Variants in MIPEP observed in about 807,000 individuals in gnomAD.
The protein encoded by MIPEP is mitochondrial intermediate peptidase.
A neutral mutation model predicts 90.3 loss-of-function variants in MIPEP; 79 were observed. The observed-to-expected ratio is 0.87, with a 90% CI of 0.73 to 1.05. The LOEUF is 1.05. MIPEP is among the 50% of genes least tolerant of loss of function. MIPEP has a pLI of 0.00. For synonymous variants in MIPEP, 334 were observed against 315.8 expected (o/e 1.06, Z -0.61); for missense variants, 940 against 905.6 (o/e 1.04, Z -0.49).
At chr13:23,848,769 AGT>A (rs1307435033) in intron 10 of MIPEP, among the ~76,000 whole-genome samples, 1 of 152,242 alleles carries the variant, frequency 6.6e-6, no homozygotes, top group Non-Finnish European at 1.5e-5. Flanking sequence ...CTAGTGCCTT[AGT>A]CCTCACTCAG....
chr13:23,746,413 C>G (rs934924129), intron 18 of MIPEP, among the ~76,000 whole-genome samples: 4 of 151,762 alleles, frequency 2.6e-5, no homozygotes, highest in African/African-American at 9.7e-5. Flanking sequence ...GCAGGTGAAT[C>G]ACTTGAGGTC....
At chr13:23,735,687 A>G (rs1194226858) in intron 18 of MIPEP, among the ~76,000 whole-genome samples, 2 of 152,164 alleles carry the variant, frequency 1.3e-5, no homozygotes, top group African/African-American at 2.4e-5. Context: ...TTTCTAAAGA[A>G]ATATAGTTAG....
chr13:23,788,731 G>A (rs1257686055), intron 16 of MIPEP, among the ~76,000 whole-genome samples: 1 of 152,100 alleles, frequency 6.6e-6, no homozygotes, highest in African/African-American at 2.4e-5. Flanking sequence ...CAATGTTTTT[G>A]TACATGTTAT....
chr13:23,810,973 A>C (rs1953164896), intron 14 of MIPEP, among the ~76,000 whole-genome samples: 1 of 152,240 alleles, frequency 6.6e-6, no homozygotes, highest in African/African-American at 2.4e-5. Flanking sequence ...ATATTTTTAA[A>C]GAGCTAAGAC....
intron 14 of MIPEP, among the ~76,000 whole-genome samples, chr13:23,810,286 C>T (rs1953157468): frequency 6.6e-6 from 1 of 152,156 alleles, no homozygotes; most frequent in African/African-American, 2.4e-5. Flanking sequence ...CTTTTAAGTG[C>T]ATATAATCAC....
At chr13:23,859,275 G>A (rs1043732119) in intron 9 of MIPEP, among the ~76,000 whole-genome samples, 5 of 152,184 alleles carry the variant, frequency 3.3e-5, no homozygotes, top group African/African-American at 1.2e-4. Flanking sequence ...CTGTAGGTAA[G>A]ATGAGTGTAC....
At chr13:23,811,137 A>C (rs1953166679) in intron 14 of MIPEP, among the ~76,000 whole-genome samples, 1 of 152,190 alleles carries the variant, frequency 6.6e-6, no homozygotes, top group Non-Finnish European at 1.5e-5. Flanking sequence ...CTGCCAACAG[A>C]TTGTGTCAAA....
chr13:23,735,197 T>C (rs993826822), intron 18 of MIPEP, among the ~76,000 whole-genome samples: 1 of 152,162 alleles, frequency 6.6e-6, no homozygotes, highest in African/African-American at 2.4e-5. Flanking sequence ...AATCAGACAC[T>C]GCCTCCTCCA....
At chr13:23,830,844 T>G (rs1311985496) in intron 14 of MIPEP, among the ~76,000 whole-genome samples, 1 of 152,190 alleles carries the variant, frequency 6.6e-6, no homozygotes, top group Non-Finnish European at 1.5e-5. Flanking sequence ...TGGTTTCTAG[T>G]TCATCAGCAT....
intron 4 of MIPEP, 118 bp from the exon 5 acceptor site, chr13:23,875,027 A>AACACATACACAC: frequency 2.5e-6 from 1 of 400,650 alleles, no homozygotes. Context: ...GTTTCTTCAA[A>AACACATACACAC]ACACACACAC....
chr13:23,819,160 A>T (rs1396748996), intron 14 of MIPEP, among the ~76,000 whole-genome samples: 1 of 152,230 alleles, frequency 6.6e-6, no homozygotes, highest in Non-Finnish European at 1.5e-5. Context: ...ATGGGAGGCC[A>T]TTGTTTTATA....
intron 16 of MIPEP, among the ~76,000 whole-genome samples, chr13:23,787,957 C>T (rs1455137452): frequency 6.6e-6 from 1 of 152,176 alleles, no homozygotes; most frequent in Non-Finnish European, 1.5e-5. Context: ...TTTCCATGAG[C>T]GTGGCCTCTT....
chr13:23,874,091 A>G (rs1870952622), intron 5 of MIPEP, among the ~76,000 whole-genome samples: 1 of 152,228 alleles, frequency 6.6e-6, no homozygotes, highest in African/African-American at 2.4e-5. Flanking sequence ...TAATTCTACC[A>G]TATTTACTAG....
chr13:23,849,100 G>A (rs770353618), intron 10 of MIPEP, among the ~76,000 whole-genome samples: 3 of 152,196 alleles, frequency 2.0e-5, no homozygotes, highest in Non-Finnish European at 4.4e-5. Flanking sequence ...TCCACGCCAG[G>A]CTCATCATGT....
chr13:23,849,320 G>A (rs1298960924), intron 10 of MIPEP, among the ~76,000 whole-genome samples: 2 of 152,242 alleles, frequency 1.3e-5, no homozygotes, highest in African/African-American at 4.8e-5. Flanking sequence ...AGCAGAGACA[G>A]AGCTTAGATG....
chr13:23,841,077 A>C (rs1046838924), intron 11 of MIPEP, among the ~76,000 whole-genome samples: 2 of 152,252 alleles, frequency 1.3e-5, no homozygotes, highest in African/African-American at 2.4e-5. Context: ...ATTTGTGGAT[A>C]TATGAAGGTG....
intron 8 of MIPEP, 131 bp from the exon 9 acceptor site, chr13:23,862,493 C>G: frequency 1.8e-6 from 1 of 568,364 alleles, no homozygotes; most frequent in Non-Finnish European, 3.1e-6. Context: ...ACATAAATCA[C>G]TATTAATCCA....
intron 14 of MIPEP, among the ~76,000 whole-genome samples, chr13:23,816,740 C>G (rs540621285): frequency 1.3e-5 from 2 of 152,254 alleles, no homozygotes; most frequent in South Asian, 4.2e-4. Flanking sequence ...GCAGCAGCAG[C>G]CAATCACTTC....
At chr13:23,837,931 G>C (rs1869129713) in intron 12 of MIPEP, among the ~76,000 whole-genome samples, 175 bp from the exon 13 acceptor site, 2 of 151,792 alleles carry the variant, frequency 1.3e-5, no homozygotes, top group South Asian at 2.1e-4. Flanking sequence ...TTTTTATTCT[G>C]CTAAAATTTT....
Sources: gnomAD v4.1 joint callset for allele counts (sites outside exome capture counted in the v4.1 genomes callset) on GRCh38, gnomAD v4.1.1 for gene constraint, MANE v1.5 for transcripts, NCBI Gene and HGNC (gene_info 2026-07-23, HGNC 2026-07-21) for gene names.